Variants in FLT1 observed in about 807,000 individuals in gnomAD.
FLT1 encodes the protein vascular endothelial growth factor receptor 1.
In FLT1, 49 loss-of-function variants were observed where a neutral mutation model predicts 156.3. The ratio of observed to expected loss-of-function variants is 0.31; its 90% CI spans 0.25 to 0.40. The LOEUF is 0.40. Among genes scored for constraint, FLT1 ranks in the 10% least tolerant of loss-of-function variants. The pLI, the probability that FLT1 is intolerant of heterozygous loss-of-function variation, is 1.00. For synonymous variants in FLT1, 594 were observed against 583.8 expected (o/e 1.02, Z -0.25); for missense variants, 1,322 against 1,637.2 (o/e 0.81, Z 3.32).
intron 14 of FLT1, among the ~76,000 whole-genome samples, chr13:28,362,140 T>C (rs987292298): frequency 1.3e-5 from 2 of 152,140 alleles, no homozygotes; most frequent in African/African-American, 2.4e-5. Flanking sequence ...GATACAGCAA[T>C]AGAAAAAGAG....
At position 28,312,015 on chromosome 13, in the gene FLT1, A is replaced by G; in HGVS notation, c.3470T>C (p.Leu1157Ser). The change falls in exon 26 of 30, where the codon TTG becomes TCG. Residue 1157 changes from leucine (L) to serine (S), a missense_variant. Around this residue, in one of 3 missense-constraint regions of FLT1, gnomAD observed 329 missense variants for 366.2 expected, o/e 0.90. Transcript: ENST00000282397. ...TACCTGTTGTACATTTGCTTGAAGC[A>G]AATCACCTAGTTTTTCCACAAGTTC... ...FAELVEKLGDLLQANVQQDGK... is the reference protein window; with the variant it reads ...FAELVEKLGDSLQANVQQDGK... 6.2e-7 allele frequency: 1 copy of G among 1,613,082 alleles called. No homozygotes were observed. The highest frequency in any genetic ancestry group is 1.3e-5 in the African/African-American group (1 of 75,016).
intron 25 of FLT1, among the ~76,000 whole-genome samples, chr13:28,316,091 C>T (rs1871189708): frequency 6.6e-6 from 1 of 152,192 alleles, no homozygotes; most frequent in Non-Finnish European, 1.5e-5. Context: ...GCCTCAGCTC[C>T]CTGTACTTTT....
At chr13:28,430,478 C>T (rs1181923030) in intron 7 of FLT1, among the ~76,000 whole-genome samples, 1 of 152,108 alleles carries the variant, frequency 6.6e-6, no homozygotes, top group Admixed American at 6.6e-5. Flanking sequence ...TAAAAATCTA[C>T]CTGGCCACTA....
chr13:28,345,871 A>G (rs1158493582), intron 15 of FLT1: 1 of 270,172 alleles, frequency 3.7e-6, no homozygotes, highest in Non-Finnish European at 7.1e-6. Context: ...GAAATTAAAA[A>G]TGGGAAAAAA....
chr13:28,475,586 A>C (rs983199662), intron 1 of FLT1, among the ~76,000 whole-genome samples: 1 of 152,216 alleles, frequency 6.6e-6, no homozygotes, highest in Non-Finnish European at 1.5e-5. Flanking sequence ...ATCTCATAGA[A>C]TCTTTGGGGT....
At chr13:28,383,362 A>C (rs1283305829) in intron 14 of FLT1, among the ~76,000 whole-genome samples, 1 of 152,186 alleles carries the variant, frequency 6.6e-6, no homozygotes, top group Non-Finnish European at 1.5e-5. Context: ...GTATTGTATC[A>C]GGTATTAAAA....
At chr13:28,362,961 G>T (rs964600879) in intron 14 of FLT1, among the ~76,000 whole-genome samples, 1 of 152,120 alleles carries the variant, frequency 6.6e-6, no homozygotes, top group Non-Finnish European at 1.5e-5. Context: ...CCACTCAGAC[G>T]CTCAGAACTG....
At chr13:28,452,986 C>T (rs1593808762) in intron 3 of FLT1, among the ~76,000 whole-genome samples, 1 of 131,926 alleles carries the variant, frequency 7.6e-6, no homozygotes, top group South Asian at 2.9e-4. Flanking sequence ...ATTCCTGGTG[C>T]TATATATTTC....
At chr13:28,430,809 A>G (rs1236000889) in intron 7 of FLT1, among the ~76,000 whole-genome samples, 2 of 152,194 alleles carry the variant, frequency 1.3e-5, no homozygotes, top group East Asian at 3.8e-4. Flanking sequence ...AATTTTTCTT[A>G]GATAATAAAG....
At chr13:28,401,041 C>G (rs1011944637) in intron 11 of FLT1, among the ~76,000 whole-genome samples, 1 of 152,104 alleles carries the variant, frequency 6.6e-6, no homozygotes, top group Admixed American at 6.5e-5. Flanking sequence ...GCCTGGCTAA[C>G]AAGACGAAAC....
At chr13:28,436,686 G>T (rs1314396557) in intron 4 of FLT1, among the ~76,000 whole-genome samples, 1 of 152,186 alleles carries the variant, frequency 6.6e-6, no homozygotes, top group Non-Finnish European at 1.5e-5. Context: ...GTAATGCCAT[G>T]CTATTGAAAA....
At chr13:28,460,356 C>T (rs76972193) in intron 3 of FLT1, among the ~76,000 whole-genome samples, 180 of 152,270 alleles carry the variant, frequency 1.2e-3, no homozygotes, top group African/African-American at 4.0e-3. Flanking sequence ...AGCTATGGTC[C>T]TAGAGAGTAA....
Position 28,439,975 on chromosome 13 carries a change from T to C in FLT1, c.389-1630A>G, listed in dbSNP as rs539170975. Reference sequence around the variant, plus strand: ...TAGTTTTCTGCACAGCAGTGTGGAATGGAGGCACAGATGTGAGCTCTAGAG... The same window carrying C: ...TAGTTTTCTGCACAGCAGTGTGGAACGGAGGCACAGATGTGAGCTCTAGAG... On this transcript the variant is annotated intron_variant, in intron 3 of 29. Coordinates refer to ENST00000282397, the MANE Select transcript of FLT1 (RefSeq NM_002019.4). This position sits in a 1 kb window ranked among gnomAD's most constrained non-coding sequence, Gnocchi z 4.1. 6.6e-6 allele frequency among the ~76,000 whole-genome samples: 1 copy of C among 152,346 alleles called. No homozygotes were observed. Among genetic ancestry groups the C allele is most frequent in the African/African-American group, 2.4e-5 (1 of 41,576 alleles).
At chr13:28,372,256 A>G (rs1873638889) in intron 14 of FLT1, among the ~76,000 whole-genome samples, 1 of 148,104 alleles carries the variant, frequency 6.8e-6, no homozygotes, top group South Asian at 2.2e-4. Context: ...TAATTTTTGT[A>G]TTTTTAGTAG....
intron 4 of FLT1, among the ~76,000 whole-genome samples, chr13:28,434,518 T>C (rs1480651190): frequency 6.6e-6 from 1 of 152,184 alleles, no homozygotes; most frequent in Non-Finnish European, 1.5e-5. Context: ...ATGTCAGACT[T>C]TCAGTTGGAG....
chr13:28,303,928 G>T (rs182436586), intron 29 of FLT1, among the ~76,000 whole-genome samples: 1 of 152,132 alleles, frequency 6.6e-6, no homozygotes, highest in Non-Finnish European at 1.5e-5. Context: ...TTTTAGTCAC[G>T]GTGCTGCTTA....
intron 25 of FLT1, among the ~76,000 whole-genome samples, chr13:28,315,505 G>A (rs1274059695): frequency 6.6e-6 from 1 of 152,142 alleles, no homozygotes; most frequent in African/African-American, 2.4e-5. Context: ...GCAGTGAGCT[G>A]AGATCACGCC....
intron 11 of FLT1, among the ~76,000 whole-genome samples, chr13:28,397,274 G>A (rs1301453867): frequency 2.6e-5 from 4 of 152,170 alleles, no homozygotes; most frequent in Non-Finnish European, 5.9e-5. Flanking sequence ...TCAGGAGACC[G>A]GGGCCTATGA....
intron 4 of FLT1, among the ~76,000 whole-genome samples, chr13:28,437,265 G>A (rs1878078877): frequency 6.6e-6 from 1 of 152,212 alleles, no homozygotes; most frequent in African/African-American, 2.4e-5. Flanking sequence ...GCCTACGTGA[G>A]TAACAACCCA....
Sources: gnomAD v4.1 joint callset for allele counts (sites outside exome capture counted in the v4.1 genomes callset) on GRCh38, gnomAD v4.1.1 for gene constraint, gnomAD v4.1.1 regional missense constraint, Gnocchi (gnomAD v3.1) non-coding constraint, MANE v1.5 for transcripts, NCBI Gene and HGNC (gene_info 2026-07-23, HGNC 2026-07-21) for gene names.